FN1: variants seen among roughly 807,000 people sequenced by gnomAD.
FN1 encodes the protein fibronectin.
FN1 carries 106 observed loss-of-function variants against 297.3 expected under a neutral mutation model. That is an observed-to-expected ratio of 0.36 (90% CI 0.30 to 0.42). The LOEUF is 0.42. Ranked by LOEUF, FN1 falls within the 10% of genes least tolerant of loss-of-function variation. The pLI is 1.00. For synonymous variants in FN1, 1,149 were observed against 1,152.6 expected (o/e 1.00, Z 0.06); for missense variants, 2,690 against 3,124.9 (o/e 0.86, Z 3.32).
In FN1 at chr2:215,388,219, C is replaced by T; in HGVS notation, c.4335G>A (p.Gln1445=). Residue 1445 remains glutamine, a synonymous_variant, in exon 27 of 46, where the codon CAG becomes CAA. Coordinates refer to ENST00000354785, the MANE Select transcript of FN1 (RefSeq NM_212482.4). The part of the protein sequence containing the change: ...QHESTPLRGR[Q]KTGLDSPTGI... ...ACTGCCAACACCACTCACCTGTTTT[C>T]TGTCTTCCTCTAAGAGGTGTGCTCT... 6.2e-7 allele frequency: 1 copy of T among 1,612,748 alleles called. No individual in the cohort carries two copies. The highest frequency in any genetic ancestry group is 1.7e-5 in the Admixed American group (1 of 60,024).
At chr2:215,430,915 GTAATT>G in intron 4 of FN1, 63 bp from the exon 5 acceptor site, 14 of 1,572,494 alleles carry the variant, frequency 8.9e-6, no homozygotes, top group Non-Finnish European at 2.6e-6. Context: ...CAAGCTCCCT[GTAATT>G]TAAAGTGTAG....
intron 35 of FN1, among the ~76,000 whole-genome samples, chr2:215,376,999 A>C (rs1390016477): frequency 6.6e-6 from 1 of 152,068 alleles, no homozygotes; most frequent in Non-Finnish European, 1.5e-5. Context: ...ATGTAAAAAT[A>C]TGTGTGGTAG....
rs763439987 is a variant in FN1 at position 215,393,049 on chromosome 2, G to A, written c.3951C>T (p.Asp1317=). The A allele has an allele frequency of 1.4e-5, 23 of 1,614,044 alleles. No individual in the cohort carries two copies. Among genetic ancestry groups the A allele is most frequent in the Middle Eastern group, 1.7e-4 (1 of 6,022 alleles). ...EGIPIFEDFV[D]SSVGYYTVTG... ...TGACTGTGTAGTATCCTACTGAGGAGTCCACAAAATCTTCAAAAATAGGGA... is the reference window on the plus strand; with the variant it reads ...TGACTGTGTAGTATCCTACTGAGGAATCCACAAAATCTTCAAAAATAGGGA... The change falls in exon 25 of 46, where the codon GAC becomes GAT. Residue 1317 remains aspartate, a synonymous_variant. Coordinates refer to ENST00000354785, the MANE Select transcript of FN1 (RefSeq NM_212482.4).
chr2:215,403,581 G>C (rs555031652), intron 20 of FN1, among the ~76,000 whole-genome samples: 1 of 152,210 alleles, frequency 6.6e-6, no homozygotes, highest in East Asian at 1.9e-4. Context: ...CTAGAAATAA[G>C]GAGTCTCATA....
In FN1 at chr2:215,382,245, C is replaced by T; in HGVS notation, c.5131G>A (p.Glu1711Lys). 1 of 1,613,810 alleles carries T rather than the reference C, an allele frequency of 6.2e-7. No homozygotes were observed. The highest frequency in any genetic ancestry group is 8.5e-7 in the Non-Finnish European group (1 of 1,179,704). Residue 1711 changes from glutamate to lysine, a missense_variant, in exon 32 of 46, where the codon GAG becomes AAG. Around this residue, in one of 3 missense-constraint regions of FN1, gnomAD observed 1,743 missense variants for 1,945.2 expected, o/e 0.90. Coordinates refer to ENST00000354785, the MANE Select transcript of FN1 (RefSeq NM_212482.4). The stretch of plus-strand genomic sequence containing the variant: ...GCAGTCTGAACCAGAGGCTGACTCT[C>T]TCCGCTTGGATTCTGAGCATAGACA... The part of the protein sequence containing the change: ...VSVYAQNPSG[E>K]SQPLVQTAVT...
chr2:215,399,118 A>G (rs917795810), intron 21 of FN1, 139 bp downstream of exon 21: 4 of 715,776 alleles, frequency 5.6e-6, no homozygotes, highest in Admixed American at 1.9e-5. Context: ...GGCCCTGACA[A>G]TGTAGTCAAA....
chr2:215,386,540 C>A (rs973267673), intron 28 of FN1, 149 bp downstream of exon 28: 4 of 672,210 alleles, frequency 6.0e-6, no homozygotes, highest in African/African-American at 5.6e-5. Flanking sequence ...TTTCTCACTT[C>A]CCTCTCCATG....
At chr2:215,391,075 GT>G (rs1010954559) in intron 26 of FN1, among the ~76,000 whole-genome samples, 79 of 152,012 alleles carry the variant, frequency 5.2e-4, no homozygotes, top group African/African-American at 1.8e-3. Flanking sequence ...TTTAATGTCA[GT>G]TTTTTTTCTA....
At position 215,431,482 on chromosome 2, in the gene FN1, A is replaced by G. The variant is rs2066499759; in HGVS notation, c.547+351T>C. ...TTTCGGTCCAGGACATTCCATATAG[A>G]AATGTGTCCAAAGTGTCATTTTTTT... On this transcript the variant is annotated intron_variant, in intron 4 of 45. Coordinates refer to ENST00000354785, the MANE Select transcript of FN1 (RefSeq NM_212482.4). Among the ~76,000 whole-genome samples, 4 of 151,938 alleles carry G rather than the reference A, an allele frequency of 2.6e-5. No individual in the cohort carries two copies. The South Asian group carries it at 8.3e-4, about 31-fold the overall frequency.
rs992851052 is a variant in FN1 at position 215,430,570 on chromosome 2, T to C, written c.685+145A>G. The C allele has an allele frequency of 1.6e-5, 13 of 833,832 alleles. No homozygotes were observed. The African/African-American group carries it at 2.2e-4, about 14-fold the overall frequency. The allele number at this position is 833,832 out of a possible 1,614,324, so 51.7% of individuals were successfully genotyped here. ...TCTCTGAAGATGCGGAATAAGTTGG[T>C]TATGAAAGTTTTCTTGACTTCCAGA... On this transcript the variant is annotated intron_variant, in intron 5 of 45. Transcript: ENST00000354785.
At position 215,371,759 on chromosome 2, in the gene FN1, T is replaced by C. The variant is rs138728277; in HGVS notation, c.6714+150A>G. On this transcript the variant is annotated intron_variant, in intron 40 of 45. Transcript: ENST00000354785. ...AACTCCTAACCTCAAATGATCCACC[T>C]GCCTCGGCCTCCCAAAGTGCTGGGA... 4,125 of 633,654 alleles carry C rather than the reference T, an allele frequency of 6.5e-3. 140 individuals carry two copies. In the African/African-American group the frequency reaches 0.067, roughly 10 times the overall value. The allele number at this position is 633,654 out of a possible 1,614,324, so 39.3% of individuals were successfully genotyped here.
At chr2:215,385,741 T>A (rs2058870970) in intron 28 of FN1, among the ~76,000 whole-genome samples, 1 of 151,448 alleles carries the variant, frequency 6.6e-6, no homozygotes, top group African/African-American at 2.4e-5. Flanking sequence ...AAAATTATAT[T>A]TTTAAAGGTA....
At chr2:215,386,076 C>CTTTTTT (rs571159227) in intron 28 of FN1, among the ~76,000 whole-genome samples, 20,944 of 108,602 alleles carry the variant, frequency 0.19, 2,530 homozygotes, top group East Asian at 0.58. Context: ...GCGCCTGGCC[C>CTTTTTT]TTTTTTTTTT....
chr2:215,385,700 T>C (rs534614904), intron 28 of FN1, among the ~76,000 whole-genome samples: 39 of 152,136 alleles, frequency 2.6e-4, no homozygotes, highest in African/African-American at 9.4e-4. Context: ...CTTCAGCCTC[T>C]ATCTGCTAAG....
At chr2:215,361,908 A>T in intron 45 of FN1, 61 bp downstream of exon 45, 2 of 1,598,922 alleles carry the variant, frequency 1.3e-6, no homozygotes, top group South Asian at 1.1e-5. Context: ...CTGAAGAAAG[A>T]TACCTGTAGA....
chr2:215,417,179 C>G (rs574083571), intron 12 of FN1, among the ~76,000 whole-genome samples: 53 of 152,094 alleles, frequency 3.5e-4, no homozygotes, highest in Non-Finnish European at 6.3e-4. Flanking sequence ...TTTTTCGCTA[C>G]TGGTAGTTGG....
intron 41 of FN1, among the ~76,000 whole-genome samples, chr2:215,369,785 T>A (rs2055466268): frequency 1.3e-5 from 2 of 152,208 alleles, no homozygotes; most frequent in South Asian, 4.1e-4. Flanking sequence ...AACATTGGAA[T>A]AACATTCTCT....
intron 26 of FN1, among the ~76,000 whole-genome samples, chr2:215,389,943 T>C (rs1003662944): frequency 1.3e-5 from 2 of 152,194 alleles, no homozygotes; most frequent in South Asian, 2.1e-4. Flanking sequence ...CTGTAATATA[T>C]GGTAAATATT....
At chr2:215,415,998 T>C (rs1437798) in intron 12 of FN1, among the ~76,000 whole-genome samples, 137,660 of 152,154 alleles carry the variant, frequency 0.9, 63,233 homozygotes, top group East Asian at 1. Flanking sequence ...CAAAATTTTG[T>C]ATGTGTAATA....
Sources: allele counts gnomAD v4.1 joint callset (sites outside exome capture counted in the v4.1 genomes callset), GRCh38; gene constraint gnomAD v4.1.1; regional missense constraint gnomAD v4.1.1; transcripts MANE v1.5; gene names NCBI Gene and HGNC (gene_info 2026-07-23, HGNC 2026-07-21).